CACNA1B: variants seen among roughly 807,000 people sequenced by gnomAD.
CACNA1B encodes calcium voltage-gated channel subunit alpha1 B, also known as voltage-dependent N-type calcium channel subunit alpha-1B.
In CACNA1B, 70 loss-of-function variants were observed where a neutral mutation model predicts 247.2. The ratio of observed to expected loss-of-function variants is 0.28; its 90% CI spans 0.23 to 0.35. The LOEUF is 0.35. Among genes scored for constraint, CACNA1B ranks in the 10% least tolerant of loss-of-function variants. The probability of loss-of-function intolerance (pLI) is 1.00; values close to 1 mark genes in which losing one functional copy is unlikely to be tolerated. For missense variants in CACNA1B, 2,367 were observed against 3,197.4 expected (o/e 0.74, Z 6.26); for synonymous variants, 1,231 against 1,294.4 (o/e 0.95, Z 1.05).
At chr9:138,109,200 A>G (rs1961539691) in intron 39 of CACNA1B, among the ~76,000 whole-genome samples, 1 of 152,226 alleles carries the variant, frequency 6.6e-6, no homozygotes, top group Non-Finnish European at 1.5e-5. Flanking sequence ...TATACGGTCA[A>G]TTGATTTTTA....
chr9:138,022,816 G>C (rs1448425671), intron 18 of CACNA1B, among the ~76,000 whole-genome samples, 195 bp from the exon 19 acceptor site: 4 of 149,346 alleles, frequency 2.7e-5, no homozygotes, highest in Non-Finnish European at 6.0e-5. Flanking sequence ...GGGGGGGGGG[G>C]GCGGCGGGGC....
chr9:137,897,728 T>C (rs1186513925), intron 3 of CACNA1B, among the ~76,000 whole-genome samples: 1 of 151,938 alleles, frequency 6.6e-6, no homozygotes, highest in Non-Finnish European at 1.5e-5. Flanking sequence ...ATTATTATTA[T>C]TATATTTTTG....
intron 18 of CACNA1B, among the ~76,000 whole-genome samples, chr9:138,019,713 G>GTTTGA (rs2133431326): frequency 6.6e-6 from 1 of 152,340 alleles, no homozygotes; most frequent in South Asian, 2.1e-4. Context: ...CACGAGCACT[G>GTTTGA]TTTGCTGCTG....
chr9:137,992,703 C>T lies in CACNA1B; in HGVS notation c.1974+5849C>T, dbSNP rs544262397. ...ATATGATAGGCCACAAAACAAGTCT[C>T]GGGAAATTTAAAAAAATCTAAATTT... On this transcript the variant is annotated intron_variant, in intron 15 of 46. Transcript: ENST00000371372. 1.5e-4 allele frequency among the ~76,000 whole-genome samples: 23 copies of T among 151,502 alleles called. No individual in the cohort carries two copies. In the South Asian group the frequency reaches 2.5e-3, roughly 17 times the overall value.
Position 138,054,022 on chromosome 9 carries a change from G to T in CACNA1B, c.3968+16G>T. 1.9e-6 allele frequency: 3 copies of T among 1,613,006 alleles called. No individual in the cohort carries two copies. The highest frequency in any genetic ancestry group is 2.5e-6 in the Non-Finnish European group (3 of 1,179,016). ...GGGACTGCAGGTAAACTGAGGCAGG[G>T]TGCAAGGTGGGACACACAGCCCCAT... On this transcript the variant is annotated intron_variant, in intron 26 of 46. Coordinates refer to ENST00000371372, the MANE Select transcript of CACNA1B (RefSeq NM_000718.4). This position sits in a 1 kb window ranked among gnomAD's most constrained non-coding sequence, Gnocchi z 4.6.
intron 15 of CACNA1B, among the ~76,000 whole-genome samples, chr9:138,002,862 G>A (rs898102299): frequency 6.6e-6 from 1 of 151,044 alleles, no homozygotes. Flanking sequence ...GTGCAGTGGT[G>A]TGATCTTGGT....
intron 6 of CACNA1B, among the ~76,000 whole-genome samples, chr9:137,920,295 C>G (rs1427676706): frequency 6.6e-6 from 1 of 152,150 alleles, no homozygotes; most frequent in Non-Finnish European, 1.5e-5. Context: ...CTCCTTGGTT[C>G]AAGTGATTCT....
At chr9:137,894,139 A>C (rs1307173089) in intron 3 of CACNA1B, among the ~76,000 whole-genome samples, 1 of 149,926 alleles carries the variant, frequency 6.7e-6, no homozygotes, top group African/African-American at 2.5e-5. Context: ...ATAAATGACC[A>C]AGAGTACAAA....
chr9:137,979,733 T>C (rs957826855), intron 12 of CACNA1B, among the ~76,000 whole-genome samples: 3 of 152,174 alleles, frequency 2.0e-5, no homozygotes, highest in Non-Finnish European at 2.9e-5. Context: ...AATCTCATCC[T>C]CAGTTAGGTC....
At chr9:137,959,115 C>T (rs1223084750) in intron 10 of CACNA1B, among the ~76,000 whole-genome samples, 1 of 151,870 alleles carries the variant, frequency 6.6e-6, no homozygotes, top group Non-Finnish European at 1.5e-5. Context: ...TCTTGTTGCC[C>T]AGGCTGGAGT....
At chr9:137,903,422 C>T (rs1011907539) in intron 3 of CACNA1B, among the ~76,000 whole-genome samples, 3 of 152,090 alleles carry the variant, frequency 2.0e-5, no homozygotes, top group African/African-American at 4.8e-5. Flanking sequence ...ATCACTTGGT[C>T]GTGCTCTGCT....
At chr9:138,101,054 C>T (rs763140949) in intron 37 of CACNA1B, 6 of 485,000 alleles carry the variant, frequency 1.2e-5, no homozygotes, top group Admixed American at 2.3e-5. Context: ...GCGGGAGGGT[C>T]GGGCTCCATC....
rs375760463 is a variant in CACNA1B at position 137,952,931 on chromosome 9, C to T, written c.1070+554C>T. 3.9e-5 allele frequency among the ~76,000 whole-genome samples: 6 copies of T among 152,118 alleles called. No homozygotes were observed. The highest frequency in any genetic ancestry group is 4.2e-4 in the South Asian group (2 of 4,816). Reference sequence around the variant, plus strand: ...TCTCTGTAGCAGTCACCACTGGGCTCGCCACCCTGGCCCTGACTGCTGGTG... The same window carrying T: ...TCTCTGTAGCAGTCACCACTGGGCTTGCCACCCTGGCCCTGACTGCTGGTG... On this transcript the variant is annotated intron_variant, in intron 7 of 46. Coordinates refer to ENST00000371372, the MANE Select transcript of CACNA1B (RefSeq NM_000718.4). This position sits in a 1 kb window ranked among gnomAD's most constrained non-coding sequence, Gnocchi z 4.8.
rs1192146537 is a variant in CACNA1B at position 138,014,777 on chromosome 9, G to A, written c.2267+1542G>A. Among the ~76,000 whole-genome samples the A allele has an allele frequency of 6.6e-6, 1 of 151,918 alleles. No individual in the cohort carries two copies. Among genetic ancestry groups the A allele is most frequent in the Non-Finnish European group, 1.5e-5 (1 of 67,966 alleles). On this transcript the variant is annotated intron_variant, in intron 18 of 46. Transcript: ENST00000371372. This position sits in a 1 kb window ranked among gnomAD's most constrained non-coding sequence, Gnocchi z 6.2. ...TGTCCCTTGACCCCTGCTGCCTGCCGGCCCTGCCTCCTCCTGGGGGTATGG... is the reference window on the plus strand; with the variant it reads ...TGTCCCTTGACCCCTGCTGCCTGCCAGCCCTGCCTCCTCCTGGGGGTATGG...
At position 138,058,055 on chromosome 9, in the gene CACNA1B, G is replaced by A; in HGVS notation, c.4113G>A (p.Leu1371=). 1.2e-6 allele frequency: 2 copies of A among 1,613,684 alleles called. No individual in the cohort carries two copies. The highest frequency in any genetic ancestry group is 2.7e-5 in the African/African-American group (2 of 75,052). Residue 1371 remains leucine, a synonymous_variant, in exon 28 of 47, where the codon CTG becomes CTA. Transcript: ENST00000371372. The surrounding 1 kb of genome is among the most constrained non-coding windows in gnomAD (Gnocchi z 4.7). The part of the protein sequence containing the change: ...VSTGEGWPMV[L]KHSVDATYEE... ...TGCTCTCCTCTTTGCCCAGGGTGCT[G>A]AAACACTCCGTGGATGCCACCTATG...
At position 137,952,465 on chromosome 9, in the gene CACNA1B, G is replaced by A; in HGVS notation, c.1070+88G>A. ...GGGCACGTGTGACACTTGGGGTGGGGGCCTGGCCCATGGGTGCCCTCTGTG... is the reference window on the plus strand; with the variant it reads ...GGGCACGTGTGACACTTGGGGTGGGAGCCTGGCCCATGGGTGCCCTCTGTG... On this transcript the variant is annotated intron_variant, in intron 7 of 46. Transcript: ENST00000371372. This position sits in a 1 kb window ranked among gnomAD's most constrained non-coding sequence, Gnocchi z 4.8. The A allele has an allele frequency of 3.5e-6, 4 of 1,133,938 alleles. No homozygotes were observed. In the South Asian group the frequency reaches 3.8e-5, roughly 11 times the overall value. The allele number at this position is 1,133,938 out of a possible 1,614,324, so 70.2% of individuals were successfully genotyped here.
chr9:137,971,457 A>C lies in CACNA1B; in HGVS notation c.1408A>C (p.Met470Leu). Residue 470 changes from methionine (M) to leucine (L), a missense_variant, in exon 11 of 47, where the codon ATG becomes CTG. This residue lies in a region of CACNA1B where 219 missense variants were observed against 297.6 expected (regional missense o/e 0.74). Coordinates refer to ENST00000371372, the MANE Select transcript of CACNA1B (RefSeq NM_000718.4). This position sits in a 1 kb window ranked among gnomAD's most constrained non-coding sequence, Gnocchi z 4.4. ...GTCATACTTCCGGAGGAAGGAGAAGATGTTCCGGTTTTTTATCCGGCGCAT... is the reference window on the plus strand; with the variant it reads ...GTCATACTTCCGGAGGAAGGAGAAGCTGTTCCGGTTTTTTATCCGGCGCAT... The part of the protein sequence containing the change: ...SSSYFRRKEK[M>L]FRFFIRRMVK... The C allele has an allele frequency of 1.2e-6, 2 of 1,613,620 alleles. No individual in the cohort carries two copies. Among genetic ancestry groups the C allele is most frequent in the Non-Finnish European group, 1.7e-6 (2 of 1,179,742 alleles).
rs12555306 is a variant in CACNA1B, at chr9:138,006,499, G to A, written c.1975-268G>A. Among the ~76,000 whole-genome samples, 14,015 of 152,264 alleles carry A rather than the reference G, an allele frequency of 0.092. 1,079 individuals carry two copies. Among genetic ancestry groups the A allele is most frequent in the Admixed American group, 0.24 (3,685 of 15,282 alleles). ...TGCCCACCTCCTTCTCCTGTTGGGA[G>A]CTCCCTTTTCATTTCTGGCTGAAAA... On this transcript the variant is annotated intron_variant, in intron 15 of 46. Coordinates refer to ENST00000371372, the MANE Select transcript of CACNA1B (RefSeq NM_000718.4).
intron 3 of CACNA1B, among the ~76,000 whole-genome samples, chr9:137,903,213 C>T (rs1957259484): frequency 6.6e-6 from 1 of 152,044 alleles, no homozygotes; most frequent in Admixed American, 6.6e-5. Context: ...GAAACCCCGT[C>T]TCTACTAAAA....
Sources: gnomAD v4.1 joint callset for allele counts (sites outside exome capture counted in the v4.1 genomes callset) on GRCh38, gnomAD v4.1.1 for gene constraint, gnomAD v4.1.1 regional missense constraint, Gnocchi (gnomAD v3.1) non-coding constraint, MANE v1.5 for transcripts, NCBI Gene and HGNC (gene_info 2026-07-23, HGNC 2026-07-21) for gene names.